CNBD1: variants seen among roughly 807,000 people sequenced by gnomAD.
CNBD1 encodes the protein cyclic nucleotide-binding domain-containing protein 1.
CNBD1 carries 71 observed loss-of-function variants against 54.4 expected under a neutral mutation model. The ratio of observed to expected loss-of-function variants is 1.30; its 90% confidence interval spans 1.08 to 1.59. CNBD1 has a LOEUF of 1.59. Ranked by LOEUF, CNBD1 falls within the 40% of genes most tolerant of loss-of-function variation. The pLI, the probability that CNBD1 is intolerant of heterozygous loss-of-function variation, is 0.00. For missense variants in CNBD1, 659 were observed against 518.0 expected (o/e 1.27, Z -2.64); for synonymous variants, 182 against 170.7 (o/e 1.07, Z -0.51).
At chr8:86,986,030 A>G (rs1808598843) in intron 4 of CNBD1, among the ~76,000 whole-genome samples, 1 of 152,078 alleles carries the variant, frequency 6.6e-6, no homozygotes, top group Non-Finnish European at 1.5e-5. Flanking sequence ...TCCTGAGTTC[A>G]AGCAATTCTC....
At chr8:87,187,643 A>G (rs1483733811) in intron 4 of CNBD1, among the ~76,000 whole-genome samples, 1 of 152,204 alleles carries the variant, frequency 6.6e-6, no homozygotes, top group Non-Finnish European at 1.5e-5. Context: ...CAATGACACC[A>G]GTGTTAACTC....
chr8:87,068,320 T>A (rs1252654130), intron 4 of CNBD1, among the ~76,000 whole-genome samples: 1 of 152,016 alleles, frequency 6.6e-6, no homozygotes, highest in Non-Finnish European at 1.5e-5. Flanking sequence ...AATATATAAT[T>A]ACAATGGTAA....
chr8:86,957,284 A>C (rs758554575), intron 4 of CNBD1, among the ~76,000 whole-genome samples: 2 of 152,154 alleles, frequency 1.3e-5, no homozygotes, highest in East Asian at 3.9e-4. Context: ...TTGATCTAAA[A>C]TTATGTTTTT....
At chr8:87,201,578 T>C (rs564709242) in intron 4 of CNBD1, among the ~76,000 whole-genome samples, 2 of 152,036 alleles carry the variant, frequency 1.3e-5, no homozygotes, top group African/African-American at 2.4e-5. Flanking sequence ...ACACCATCAA[T>C]GAAAAATCCA....
chr8:87,095,118 C>A (rs995848198), intron 4 of CNBD1, among the ~76,000 whole-genome samples: 10 of 152,218 alleles, frequency 6.6e-5, no homozygotes, highest in Admixed American at 2.0e-4. Flanking sequence ...AATAGCATGG[C>A]CTCTTCACCT....
chr8:86,931,807 G>T (rs1369119885), intron 3 of CNBD1, among the ~76,000 whole-genome samples: 1 of 152,206 alleles, frequency 6.6e-6, no homozygotes, highest in Non-Finnish European at 1.5e-5. Flanking sequence ...AAGGGAGTCA[G>T]GTTACAGGGG....
At chr8:87,361,796 T>TGGG (rs140033034) in intron 10 of CNBD1, among the ~76,000 whole-genome samples, 2 of 150,768 alleles carry the variant, frequency 1.3e-5, no homozygotes, top group African/African-American at 4.9e-5. Flanking sequence ...AAGAAATAGA[T>TGGG]GGGGGGGTAG....
At chr8:87,344,877 A>T (rs1295207827) in intron 8 of CNBD1, among the ~76,000 whole-genome samples, 1 of 152,144 alleles carries the variant, frequency 6.6e-6, no homozygotes, top group Non-Finnish European at 1.5e-5. Context: ...CAGTGTTAGG[A>T]TGAGGTAACT....
rs140958929 is a variant in CNBD1 at position 86,873,368 on chromosome 8, T to C, written c.88+6785T>C. ...TGCCCGCCTCGGCCTCCCAAAGTGC[T>C]AGGATTACAGGTGTGAGCCACCACA... On this transcript the variant is annotated intron_variant, in intron 1 of 10. Coordinates refer to ENST00000518476, the MANE Select transcript of CNBD1 (RefSeq NM_173538.3). 7.8e-3 allele frequency among the ~76,000 whole-genome samples: 1,181 copies of C among 152,088 alleles called. 20 individuals carry two copies. The highest frequency in any genetic ancestry group is 0.026 in the African/African-American group (1,097 of 41,530).
intron 5 of CNBD1, among the ~76,000 whole-genome samples, chr8:87,216,651 G>A (rs1054187017): frequency 1.3e-5 from 2 of 151,974 alleles, no homozygotes; most frequent in Non-Finnish European, 2.9e-5. Context: ...TATGTTTGAG[G>A]ACTCTGAGTT....
chr8:86,944,511 T>G (rs759934432), intron 4 of CNBD1, among the ~76,000 whole-genome samples: 10 of 152,138 alleles, frequency 6.6e-5, no homozygotes, highest in Non-Finnish European at 1.5e-4. Context: ...GAGAGACAAT[T>G]AAATACCTTG....
At chr8:87,283,514 G>C (rs1276429763) in intron 6 of CNBD1, among the ~76,000 whole-genome samples, 1 of 152,042 alleles carries the variant, frequency 6.6e-6, no homozygotes, top group East Asian at 1.9e-4. Flanking sequence ...AGTTTTACTA[G>C]TTGTGTACCA....
At chr8:87,199,063 CAG>C (rs536573829) in intron 4 of CNBD1, among the ~76,000 whole-genome samples, 26 of 152,302 alleles carry the variant, frequency 1.7e-4, no homozygotes, top group African/African-American at 6.0e-4. Context: ...CATGTGAACT[CAG>C]AAGGAAAGCT....
downstream of CNBD1, among the ~76,000 whole-genome samples, chr8:87,385,893 T>C (rs77724402): frequency 1.3e-5 from 2 of 152,094 alleles, no homozygotes; most frequent in Non-Finnish European, 2.9e-5. Flanking sequence ...ACAACTCACA[T>C]GGCCGGGTAC....
intron 3 of CNBD1, among the ~76,000 whole-genome samples, chr8:86,910,228 C>T (rs902221115): frequency 1.3e-5 from 2 of 152,060 alleles, no homozygotes; most frequent in South Asian, 4.1e-4. Context: ...AAAAGCCAGC[C>T]TTAGAGAAAA....
chr8:87,189,848 TCAGA>T (rs1813561118), intron 4 of CNBD1, among the ~76,000 whole-genome samples: 1 of 152,280 alleles, frequency 6.6e-6, no homozygotes, highest in East Asian at 1.9e-4. Flanking sequence ...AAATGGAAAG[TCAGA>T]CAGAAGGTGA....
intron 4 of CNBD1, among the ~76,000 whole-genome samples, chr8:87,048,946 G>A (rs933230920): frequency 2.0e-5 from 3 of 152,236 alleles, no homozygotes; most frequent in Non-Finnish European, 4.4e-5. Flanking sequence ...GAAAGGTTTG[G>A]TGAAGGAGTT....
intron 8 of CNBD1, among the ~76,000 whole-genome samples, chr8:87,349,914 A>C (rs16898940): frequency 0.024 from 3,680 of 152,274 alleles, 153 homozygotes; most frequent in African/African-American, 0.081. Context: ...CTGTGGCCTT[A>C]TTCCTCTTTG....
chr8:87,297,786 A>G (rs1404176295), intron 8 of CNBD1, among the ~76,000 whole-genome samples: 1 of 152,000 alleles, frequency 6.6e-6, no homozygotes, highest in African/African-American at 2.4e-5. Flanking sequence ...AAAATAAACT[A>G]TGTTGCACTA....
Sources: gnomAD v4.1 joint callset for allele counts (sites outside exome capture counted in the v4.1 genomes callset) on GRCh38, gnomAD v4.1.1 for gene constraint, MANE v1.5 for transcripts, NCBI Gene and HGNC (gene_info 2026-07-23, HGNC 2026-07-21) for gene names.